Variants in ETV7 observed in about 807,000 individuals in gnomAD.
ETV7 encodes the protein transcription factor ETV7.
In ETV7, 43 loss-of-function variants were observed where a neutral mutation model predicts 39.1. The ratio of observed to expected loss-of-function variants is 1.10; its 90% CI spans 0.86 to 1.42. ETV7 has a LOEUF of 1.42. ETV7 is among the 40% of genes most tolerant of loss of function. The probability of loss-of-function intolerance (pLI) is 0.00; values close to 1 mark genes in which losing one functional copy is unlikely to be tolerated. For missense variants in ETV7, 432 were observed against 442.3 expected, an observed-to-expected ratio of 0.98 and a Z score of 0.21; for synonymous variants, 196 against 176.6, an observed-to-expected ratio of 1.11 and a Z score of -0.87.
chr6:36,365,375 C>G (rs1023565795), downstream of ETV7, among the ~76,000 whole-genome samples: 10 of 152,304 alleles, frequency 6.6e-5, no homozygotes, highest in East Asian at 1.7e-3. Context: ...AAGCACGCCC[C>G]ACAGAGCAGG....
intron 5 of ETV7, among the ~76,000 whole-genome samples, chr6:36,369,483 G>GC (rs1772900145): frequency 6.6e-6 from 1 of 152,184 alleles, no homozygotes; most frequent in South Asian, 2.1e-4. Flanking sequence ...CACTCACTCA[G>GC]CCCCCTGGAC....
At position 36,368,289 on chromosome 6, in the gene ETV7, G is replaced by C. The variant is rs80348957; in HGVS notation, c.807+640C>G. Among the ~76,000 whole-genome samples the C allele has an allele frequency of 3.0e-3, 451 of 152,280 alleles. 5 individuals are homozygous for C. Among genetic ancestry groups the C allele is most frequent in the South Asian group, 0.025 (120 of 4,826 alleles). On this transcript the variant is annotated intron_variant, in intron 6 of 7. Coordinates refer to ENST00000340181, the MANE Select transcript of ETV7 (RefSeq NM_016135.4). ...ATCAGGCACATTACATCTTAGGAAA[G>C]GCTATAAATCGATGATTATCATTAT...
In ETV7 at chr6:36,371,444, G is replaced by A. The variant is rs781199147; in HGVS notation, c.550C>T (p.Pro184Ser). 4 of 1,601,184 alleles carry A rather than the reference G, an allele frequency of 2.5e-6. No homozygotes were observed. The highest frequency in any genetic ancestry group is 3.4e-5 in the Admixed American group (2 of 58,454). Residue 184 changes from proline to serine, a missense_variant, in exon 5 of 8, where the codon CCT becomes TCT. Coordinates refer to ENST00000340181, the MANE Select transcript of ETV7 (RefSeq NM_016135.4). ...AAGTTGAGGGACTCCTCCTTGCCAG[G>A]GGTCCACCTTGCCAGGCCAGGGTCA... Reference protein sequence around the residue: ...LDDPGLARWTPGKEESLNLCH... With the variant: ...LDDPGLARWTSGKEESLNLCH...
At chr6:36,380,013 T>A (rs955337214) in intron 2 of ETV7, among the ~76,000 whole-genome samples, 5 of 151,866 alleles carry the variant, frequency 3.3e-5, no homozygotes, top group African/African-American at 1.2e-4. Context: ...ATGAAAAAAA[T>A]TGTACTGTCC....
intron 6 of ETV7, among the ~76,000 whole-genome samples, chr6:36,367,329 A>G (rs1172328264): frequency 1.3e-5 from 2 of 152,106 alleles, no homozygotes; most frequent in East Asian, 3.9e-4. Flanking sequence ...TGTAGTCCCA[A>G]CTACTCAGGA....
chr6:36,380,930 T>C (rs1773621044), intron 2 of ETV7, among the ~76,000 whole-genome samples: 1 of 151,416 alleles, frequency 6.6e-6, no homozygotes, highest in East Asian at 1.9e-4. Flanking sequence ...ACTCTCTTGC[T>C]GAAGAAACTA....
intron 7 of ETV7, among the ~76,000 whole-genome samples, chr6:36,360,766 C>G (rs1247082790): frequency 6.6e-6 from 1 of 152,344 alleles, no homozygotes; most frequent in East Asian, 1.9e-4. Flanking sequence ...TCCCTGACCC[C>G]CTCAAGGATC....
downstream of ETV7, among the ~76,000 whole-genome samples, chr6:36,362,136 A>T (rs1772508929): frequency 6.6e-6 from 1 of 152,124 alleles, no homozygotes; most frequent in Non-Finnish European, 1.5e-5. Flanking sequence ...GTCTCTACTA[A>T]AAATACAAAA....
chr6:36,364,414 A>C (rs1772639179), downstream of ETV7, among the ~76,000 whole-genome samples: 1 of 152,242 alleles, frequency 6.6e-6, no homozygotes, highest in African/African-American at 2.4e-5. Context: ...AATCGAGCGC[A>C]GCGCCGGTGG....
At chr6:36,384,229 C>A (rs1303823038) in intron 2 of ETV7, among the ~76,000 whole-genome samples, 1 of 152,174 alleles carries the variant, frequency 6.6e-6, no homozygotes, top group African/African-American at 2.4e-5. Flanking sequence ...GGCAACAGAA[C>A]TGGTAGCTCA....
downstream of ETV7, among the ~76,000 whole-genome samples, chr6:36,362,583 G>A (rs1186374523): frequency 6.6e-6 from 1 of 152,192 alleles, no homozygotes; most frequent in African/African-American, 2.4e-5. Context: ...CCGGTACAGA[G>A]CAGGTACTCA....
chr6:36,355,395 CTTT>C (rs1184198286), intron 7 of ETV7, among the ~76,000 whole-genome samples: 1 of 143,660 alleles, frequency 7.0e-6, no homozygotes. Flanking sequence ...TGTTCATAGA[CTTT>C]TTTTTTTTTT....
chr6:36,356,340 C>CAAAAAA (rs979143117), intron 7 of ETV7, among the ~76,000 whole-genome samples: 2 of 128,288 alleles, frequency 1.6e-5, no homozygotes, highest in African/African-American at 3.0e-5. Context: ...AAAAAAAAAA[C>CAAAAAA]AAAAAAAAAC....
chr6:36,374,364 A>G (rs2127393556), intron 3 of ETV7, among the ~76,000 whole-genome samples: 1 of 152,096 alleles, frequency 6.6e-6, no homozygotes, highest in Middle Eastern at 3.4e-3. Context: ...CTCAAAAAAA[A>G]AAAGCCAGAA....
At position 36,374,126 on chromosome 6, in the gene ETV7, G is replaced by A. The variant is rs1197940038; in HGVS notation, c.308-548C>T. Among the ~76,000 whole-genome samples, 3 of 152,178 alleles carry A rather than the reference G, an allele frequency of 2.0e-5. No individual in the cohort carries two copies. In the East Asian group the frequency reaches 5.8e-4, roughly 29 times the overall value. On this transcript the variant is annotated intron_variant, in intron 3 of 7. Transcript: ENST00000340181. Reference sequence around the variant, plus strand: ...TAATCCCAACACTTTAGGAGGCTAAGGCAGGAGGATTGCTTGAACCCAGGA... The same window carrying A: ...TAATCCCAACACTTTAGGAGGCTAAAGCAGGAGGATTGCTTGAACCCAGGA...
chr6:36,354,690 G>GA (rs1269475897), intron 7 of ETV7: 1 of 692,372 alleles, frequency 1.4e-6, no homozygotes, highest in Non-Finnish European at 2.6e-6. Context: ...GTCCATTTCT[G>GA]CAATAAAAAA....
chr6:36,359,959 G>A (rs960235608), intron 7 of ETV7, among the ~76,000 whole-genome samples: 2 of 151,780 alleles, frequency 1.3e-5, no homozygotes, highest in African/African-American at 4.8e-5. Flanking sequence ...TGAGTGGCGC[G>A]ATCTCGGCTC....
intron 7 of ETV7, among the ~76,000 whole-genome samples, chr6:36,359,225 C>T (rs1323014508): frequency 6.6e-6 from 1 of 152,084 alleles, no homozygotes; most frequent in African/African-American, 2.4e-5. Context: ...CCAAGGTGGG[C>T]AAATCACCTG....
At chr6:36,371,268 C>G (rs567317601) in intron 5 of ETV7, 62 bp downstream of exon 5, 8 of 1,462,560 alleles carry the variant, frequency 5.5e-6, no homozygotes, top group Non-Finnish European at 7.5e-6. Flanking sequence ...CCTCATCACT[C>G]GTGACTCTGA....
Sources: gnomAD v4.1 joint callset for allele counts (sites outside exome capture counted in the v4.1 genomes callset) on GRCh38, gnomAD v4.1.1 for gene constraint, MANE v1.5 for transcripts, NCBI Gene and HGNC (gene_info 2026-07-23, HGNC 2026-07-21) for gene names.